The following MUC3A variants were observed in gnomAD, a reference collection of about 807,000 sequenced individuals.
The protein encoded by MUC3A is mucin-3A.
In MUC3A, 109 loss-of-function variants were observed where a neutral mutation model predicts 109.0. The ratio of observed to expected loss-of-function variants is 1.00; its 90% CI spans 0.86 to 1.17. MUC3A has a LOEUF of 1.17. MUC3A is among the 50% of genes most tolerant of loss of function. The pLI, the probability that MUC3A is intolerant of heterozygous loss-of-function variation, is 0.00. For missense variants in MUC3A, 3,537 were observed against 2,469.4 expected (o/e 1.43, Z -9.16); for synonymous variants, 1,398 against 981.4 (o/e 1.42, Z -7.93).
intron 3 of MUC3A, among the ~76,000 whole-genome samples, chr7:100,962,903 T>C (rs1385852007): frequency 6.6e-6 from 1 of 152,312 alleles, no homozygotes; most frequent in Non-Finnish European, 1.5e-5. Context: ...TGGCCCAGGC[T>C]GGAGTGCAGT....
Position 100,952,316 on chromosome 7 carries a change from T to C in MUC3A, c.537T>C (p.Thr179=). ...TVTSTYSMTT[T]EKGTSAMTSS... ...CCAGTACTTACTCTATGACCACTAC[T>C]GAGAAAGGAACGTCAGCCATGACAT... is the stretch of plus-strand genomic sequence containing the variant. The change falls in exon 2 of 12, where the codon ACT becomes ACC. Residue 179 remains threonine (T), a synonymous_variant. Transcript: ENST00000379458. The C allele has an allele frequency of 6.3e-7, 1 of 1,598,546 alleles. No individual in the cohort carries two copies. The highest frequency in any genetic ancestry group is 8.5e-7 in the Non-Finnish European group (1 of 1,179,788).
At chr7:100,962,837 T>TTC (rs1322865212) in intron 3 of MUC3A, among the ~76,000 whole-genome samples, 1 of 147,354 alleles carries the variant, frequency 6.8e-6, no homozygotes, top group African/African-American at 2.5e-5. Flanking sequence ...TTCTTTCTTT[T>TTC]TCTCTCTCTC....
At chr7:100,949,778 G>T (rs79723667) in intron 1 of MUC3A, 93 bp downstream of exon 1, 11 of 966,592 alleles carry the variant, frequency 1.1e-5, no homozygotes, top group African/African-American at 3.5e-5. Context: ...GCCTGGGGAG[G>T]GGGGATAAGA....
intron 9 of MUC3A, 35 bp from the exon 10 acceptor site, chr7:100,966,617 C>G: frequency 6.3e-7 from 1 of 1,598,310 alleles, no homozygotes; most frequent in Non-Finnish European, 8.5e-7. Flanking sequence ...CCCAGGCGGG[C>G]CGGCTCTGTC....
Position 100,960,503 on chromosome 7 carries a change from G to C in MUC3A, c.8724G>C (p.Lys2908Asn). The change falls in exon 2 of 12, where the codon AAG (lysine) becomes AAC (asparagine). Residue 2908 changes from lysine (K) to asparagine (N), a missense_variant. Physicochemically the swap from Lys to Asn is moderately conservative, Grantham distance 94. Coordinates refer to ENST00000379458, the MANE Select transcript of MUC3A (RefSeq NM_005960.2). The stretch of plus-strand genomic sequence containing the variant: ...CGACCATCCTGAGGACTTCAAGCAA[G>C]TCAACACACCCCTCCCCACCCACCA... ...SLPTILRTSS[K>N]STHPSPPTTR... 6.3e-7 allele frequency: 1 copy of C among 1,598,704 alleles called. No homozygotes were observed. The highest frequency in any genetic ancestry group is 8.5e-7 in the Non-Finnish European group (1 of 1,179,822).
chr7:100,962,774 CTTCT>C (rs1206835471), intron 3 of MUC3A, among the ~76,000 whole-genome samples: 13 of 67,440 alleles, frequency 1.9e-4, no homozygotes, highest in African/African-American at 7.6e-4. Context: ...TCTTTCTTTC[CTTCT>C]TTCTTTCTCT....
At position 100,961,012 on chromosome 7, in the gene MUC3A, G is replaced by C. The variant is rs1183819567; in HGVS notation, c.9052+75G>C. The C allele has an allele frequency of 9.4e-6, 15 of 1,593,220 alleles. No homozygotes were observed. In the East Asian group the frequency reaches 3.3e-4, roughly 36 times the overall value. On this transcript the variant is annotated intron_variant, in intron 3 of 11. Transcript: ENST00000379458. Reference sequence around the variant, plus strand: ...TGACTCTCCCCAGACTTATCCCTCTGTGGGGCCTGGAGGCACCCATGCCTT... The same window carrying C: ...TGACTCTCCCCAGACTTATCCCTCTCTGGGGCCTGGAGGCACCCATGCCTT...
Position 100,956,561 on chromosome 7 carries a change from A to T in MUC3A, c.4782A>T (p.Thr1594=). 2.9e-6 allele frequency: 1 copy of T among 345,452 alleles called. No homozygotes were observed. The allele number at this position is 345,452 out of a possible 1,614,324, so 21.4% of individuals were successfully genotyped here. ...VGISGSLPMM[T]DLTSVYTVSS... ...TCAGTGGTTCATTACCTATGATGAC[A>T]GACCTCACCTCAGTGTACACAGTCT... The change falls in exon 2 of 12, where the codon ACA becomes ACT. Residue 1594 remains threonine, a synonymous_variant. Transcript: ENST00000379458.
rs1563068414 is a variant in MUC3A, at chr7:100,959,338, C to G, written c.7559C>G (p.Pro2520Arg). Residue 2520 changes from proline to arginine, a missense_variant, in exon 2 of 12, where the codon CCA (proline) becomes CGA (arginine). Transcript: ENST00000379458. The part of the protein sequence containing the change: ...PSIPTDISTL[P>R]TRTHIISSSP... Reference sequence around the variant, plus strand: ...ATACCCACTGATATCAGTACCTTACCAACTCGAACACACATCATTTCATCT... The same window carrying G: ...ATACCCACTGATATCAGTACCTTACGAACTCGAACACACATCATTTCATCT... The G allele has an allele frequency of 1.3e-6, 2 of 1,551,350 alleles. No individual in the cohort carries two copies.
chr7:100,952,020 T>A lies in MUC3A; in HGVS notation c.241T>A (p.Ser81Thr). 1 of 1,598,596 alleles carries A rather than the reference T, an allele frequency of 6.3e-7. No homozygotes were observed. The highest frequency in any genetic ancestry group is 1.3e-5 in the African/African-American group (1 of 75,076). Residue 81 changes from serine (S) to threonine (T), a missense_variant, in exon 2 of 12, where the codon TCC becomes ACC. Transcript: ENST00000379458. ...AAATGCACCTATGACACTCACTACC[T>A]CCCCCCATGACACACTCATCTCTGA... is the stretch of plus-strand genomic sequence containing the variant. ...RENAPMTLTT[S>T]PHDTLISETL...
rs2116172378 is a variant in MUC3A, at chr7:100,955,466, C to T, written c.3687C>T (p.Ser1229=). 1.7e-6 allele frequency: 1 copy of T among 581,182 alleles called. No individual in the cohort carries two copies. The highest frequency in any genetic ancestry group is 3.0e-6 in the Non-Finnish European group (1 of 330,570). 36.0% of individuals were successfully genotyped at this position (581,182 alleles called of 1,614,324 possible). A position where few individuals can be genotyped will look rare whatever the true frequency, so the allele number is the denominator to read the frequency against. Residue 1229 remains serine (S), a synonymous_variant, in exon 2 of 12, where the codon TCC becomes TCT. Coordinates refer to ENST00000379458, the MANE Select transcript of MUC3A (RefSeq NM_005960.2). The part of the protein sequence containing the change: ...DLTSTFTVSS[S]SAMSTSVIPS... Reference sequence around the variant, plus strand: ...CATCAACATTCACTGTTTCCAGTTCCTCAGCAATGTCCACAAGTGTCATTC... The same window carrying T: ...CATCAACATTCACTGTTTCCAGTTCTTCAGCAATGTCCACAAGTGTCATTC...
Position 100,966,460 on chromosome 7 carries a change from G to C in MUC3A, c.9686G>C (p.Gly3229Ala). The C allele has an allele frequency of 7.5e-7, 1 of 1,341,476 alleles. No homozygotes were observed. Among genetic ancestry groups the C allele is most frequent in the Non-Finnish European group, 9.5e-7 (1 of 1,054,440 alleles). 83.1% of individuals were successfully genotyped at this position (1,341,476 alleles called of 1,614,324 possible). A position where few individuals can be genotyped will look rare whatever the true frequency, so the allele number is the denominator to read the frequency against. ...GCCGTCCACTGGAGGGCGCTGGTCG[G>C]GGGCCTGACGGCCGGCGCCGCGCTG... ...EVAVHWRALV[G>A]GLTAGAALLV... The change falls in exon 9 of 12, where the codon GGG becomes GCG. Residue 3229 changes from glycine (G) to alanine (A), a missense_variant. Gly to Ala is a moderately conservative substitution (Grantham distance 60). Transcript: ENST00000379458.
chr7:100,967,589 G>A lies in MUC3A; in HGVS notation c.*427G>A, dbSNP rs1214405674. The A allele has an allele frequency of 5.6e-6, 2 of 358,358 alleles. No homozygotes were observed. Among genetic ancestry groups the A allele is most frequent in the Non-Finnish European group, 1.0e-5 (2 of 196,910 alleles). 22.2% of individuals were successfully genotyped at this position (358,358 alleles called of 1,614,324 possible). On this transcript the variant is annotated 3_prime_UTR_variant, in exon 12 of 12. Transcript: ENST00000379458. ...GTCCTTCACCTGGTCTCTGGCCCTG[G>A]TTCTTATTTTCTCTCAATTCCCTAC...
intron 2 of MUC3A, 37 bp downstream of exon 2, chr7:100,960,682 C>T (rs1056990072): frequency 1.9e-6 from 3 of 1,592,294 alleles, no homozygotes; most frequent in Non-Finnish European, 2.6e-6. Flanking sequence ...CTCCTTCCTC[C>T]CCTGCAAAAT....
rs749440841 is a variant in MUC3A at position 100,960,279 on chromosome 7, A to T, written c.8500A>T (p.Met2834Leu). 5.6e-6 allele frequency: 9 copies of T among 1,598,530 alleles called. No individual in the cohort carries two copies. Among genetic ancestry groups the T allele is most frequent in the Non-Finnish European group, 7.6e-6 (9 of 1,179,810 alleles). Residue 2834 changes from methionine (M) to leucine (L), a missense_variant, in exon 2 of 12, where the codon ATG (methionine) becomes TTG (leucine). Met to Leu is a conservative substitution (Grantham distance 15). Coordinates refer to ENST00000379458, the MANE Select transcript of MUC3A (RefSeq NM_005960.2). ...TACTACATATATGGACACTTCTTCC[A>T]TGATGCCAGAAAGTGAGTCCAGCAT... ...TLTTYMDTSS[M>L]MPESESSISP...
In MUC3A at chr7:100,959,190, A is replaced by T; in HGVS notation, c.7411A>T (p.Thr2471Ser). 6.3e-7 allele frequency: 1 copy of T among 1,598,232 alleles called. No individual in the cohort carries two copies. Among genetic ancestry groups the T allele is most frequent in the Non-Finnish European group, 8.5e-7 (1 of 1,179,740 alleles). ...TTTTACTACCTCAGAGACTGCGGTG[A>T]CTCCCACACCTGTAACCCCATCTTC... Reference protein sequence around the residue: ...SHFTTSETAVTPTPVTPSSLS... With the variant: ...SHFTTSETAVSPTPVTPSSLS... Residue 2471 changes from threonine to serine, a missense_variant, in exon 2 of 12, where the codon ACT (threonine) becomes TCT (serine). Physicochemically the swap from Thr to Ser is moderately conservative, Grantham distance 58. Coordinates refer to ENST00000379458, the MANE Select transcript of MUC3A (RefSeq NM_005960.2).
intron 2 of MUC3A, 33 bp downstream of exon 2, chr7:100,960,678 C>T: frequency 6.3e-7 from 1 of 1,592,576 alleles, no homozygotes; most frequent in Non-Finnish European, 8.5e-7. Context: ...TCCCCTCCTT[C>T]CTCCCCTGCA....
rs918569315 is a variant in MUC3A at position 100,957,276 on chromosome 7, T to C, written c.5497T>C (p.Ser1833Pro). ...VTTFSNSDTSSTPTSETTYPT... is the reference protein window; with the variant it reads ...VTTFSNSDTSPTPTSETTYPT... Reference sequence around the variant, plus strand: ...CACATTCTCCAATTCCGACACCAGTTCTACACCTACATCTGAGACCACCTA... The same window carrying C: ...CACATTCTCCAATTCCGACACCAGTCCTACACCTACATCTGAGACCACCTA... The change falls in exon 2 of 12, where the codon TCT becomes CCT. Residue 1833 changes from serine to proline, a missense_variant. Ser to Pro is a moderately conservative substitution (Grantham distance 74, BLOSUM62 -1). Coordinates refer to ENST00000379458, the MANE Select transcript of MUC3A (RefSeq NM_005960.2). 5.7e-5 allele frequency: 31 copies of C among 544,158 alleles called. No individual in the cohort carries two copies. The highest frequency in any genetic ancestry group is 9.0e-5 in the Non-Finnish European group (28 of 311,112). 33.7% of individuals were successfully genotyped at this position (544,158 alleles called of 1,614,324 possible). A position where few individuals can be genotyped will look rare whatever the true frequency, so the allele number is the denominator to read the frequency against.
rs1169665019 is a variant in MUC3A, at chr7:100,968,057, T to A, written c.*895T>A. 2 of 113,900 alleles carry A rather than the reference T, an allele frequency of 1.8e-5. No homozygotes were observed. The allele number at this position is 113,900 out of a possible 1,614,324, so 7.1% of individuals were successfully genotyped here. A position where few individuals can be genotyped will look rare whatever the true frequency, so the allele number is the denominator to read the frequency against. ...TCTCTCACCCCTGGAGCCCTGCGGG[T>A]GGGGGCAGGGCATGAGTTCCCCAGT... is the stretch of plus-strand genomic sequence containing the variant. On this transcript the variant is annotated 3_prime_UTR_variant, in exon 12 of 12. Transcript: ENST00000379458.
Sources: gnomAD v4.1 joint callset for allele counts (sites outside exome capture counted in the v4.1 genomes callset) on GRCh38, gnomAD v4.1.1 for gene constraint, MANE v1.5 for transcripts, NCBI Gene and HGNC (gene_info 2026-07-23, HGNC 2026-07-21) for gene names.